The following FDFT1 variants were observed in gnomAD, a reference collection of about 807,000 sequenced individuals.
The protein encoded by FDFT1 is squalene synthase.
Under a neutral mutation model 46.8 loss-of-function variants are expected in FDFT1, and 68 were observed. The observed-to-expected ratio is 1.45, with a 90% CI of 1.19 to 1.78. The LOEUF (loss-of-function observed/expected upper bound fraction) is 1.78. Ranked by LOEUF, FDFT1 falls within the 40% of genes most tolerant of loss-of-function variation. The probability of loss-of-function intolerance (pLI) is 0.00; values close to 1 mark genes in which losing one functional copy is unlikely to be tolerated. For synonymous variants in FDFT1, 351 were observed against 185.1 expected (o/e 1.90, Z -7.28); for missense variants, 928 against 524.4 (o/e 1.77, Z -7.52).
chr8:11,821,628 A>T lies in FDFT1; in HGVS notation c.382-122A>T, dbSNP rs1384716903. On this transcript the variant is annotated intron_variant, in intron 3 of 7. Transcript: ENST00000220584. Reference sequence around the variant, plus strand: ...AAAAACAAAAAAAATGTGTGACCTAAATTAGGCTTATAGATGAACCATTGC... The same window carrying T: ...AAAAACAAAAAAAATGTGTGACCTATATTAGGCTTATAGATGAACCATTGC... The T allele has an allele frequency of 2.7e-5, 32 of 1,191,674 alleles. 1 individual carries two copies. Among genetic ancestry groups the T allele is most frequent in the Non-Finnish European group, 4.8e-6 (4 of 827,390 alleles). The allele number at this position is 1,191,674 out of a possible 1,614,324, so 73.8% of individuals were successfully genotyped here. A position where few individuals can be genotyped will look rare whatever the true frequency, so the allele number is the denominator to read the frequency against.
At chr8:11,835,837 T>C (rs901901943) in intron 7 of FDFT1, among the ~76,000 whole-genome samples, 4 of 151,988 alleles carry the variant, frequency 2.6e-5, no homozygotes, top group Non-Finnish European at 4.4e-5. Flanking sequence ...TCTTAAATTT[T>C]CAAAAGTGAA....
intron 7 of FDFT1, among the ~76,000 whole-genome samples, chr8:11,838,133 C>G (rs780702388): frequency 1.7e-4 from 26 of 152,122 alleles, no homozygotes; most frequent in Non-Finnish European, 3.1e-4. Context: ...CCGCTGCTCT[C>G]GAGGGCCTCT....
chr8:11,796,477 CACAA>C (rs767876267), intron 1 of FDFT1, among the ~76,000 whole-genome samples: 9 of 152,192 alleles, frequency 5.9e-5, no homozygotes, highest in Non-Finnish European at 8.8e-5. Context: ...GCCCAATGAA[CACAA>C]ACAAATAAGG....
chr8:11,797,446 T>A (rs1805672638), upstream of FDFT1, among the ~76,000 whole-genome samples: 1 of 151,988 alleles, frequency 6.6e-6, no homozygotes, highest in South Asian at 2.1e-4. Context: ...TCCTTGGGTG[T>A]GGAACCTTAT....
intron 5 of FDFT1, among the ~76,000 whole-genome samples, chr8:11,828,430 C>T (rs954621623): frequency 6.6e-6 from 1 of 152,202 alleles, no homozygotes; most frequent in African/African-American, 2.4e-5. Flanking sequence ...AGACACAGGG[C>T]TCAGAGAAGG....
intron 7 of FDFT1, among the ~76,000 whole-genome samples, chr8:11,835,812 C>G (rs1006560176): frequency 6.6e-6 from 1 of 151,856 alleles, no homozygotes; most frequent in Non-Finnish European, 1.5e-5. Context: ...TGTACAGTTG[C>G]TCTGAGAAGG....
Position 11,808,826 on chromosome 8 carries a change from C to G in FDFT1, c.132C>G (p.Tyr44Ter), listed in dbSNP as rs763030790. The G allele has an allele frequency of 2.5e-6, 4 of 1,614,054 alleles. No homozygotes were observed. The highest frequency in any genetic ancestry group is 3.4e-6 in the Non-Finnish European group (4 of 1,180,000). The change falls in exon 2 of 8, where the codon TAC (tyrosine) becomes TAG (stop). Residue 44 changes from tyrosine to a stop codon, truncating the protein, a stop_gained. Transcript: ENST00000220584. LOFTEE classifies it high-confidence loss of function. ...TCAGCAGCAGCCTGAAAACTTGCTA[C>G]AAGTATCTCAATCAGACCAGTCGCA... ...DSLSSSLKTC[Y>*]KYLNQTSRSF...
rs757068015 is a variant in FDFT1, at chr8:11,827,332, TAAAG to T, written c.702+1122_702+1125del. ...CTGCTGAAAGAGCAAAAATAAAAAT[TAAAG>T]AAAGTAGAAAAAATAAAACTAAATT... is the stretch of plus-strand genomic sequence containing the variant. On this transcript the variant is annotated intron_variant, in intron 5 of 7. Coordinates refer to ENST00000220584, the MANE Select transcript of FDFT1 (RefSeq NM_004462.5). 1.1e-4 allele frequency among the ~76,000 whole-genome samples: 17 copies of T among 151,966 alleles called. No individual in the cohort carries two copies. The East Asian group carries it at 1.4e-3, about 12-fold the overall frequency.
chr8:11,798,546 T>C (rs762061741), upstream of FDFT1, among the ~76,000 whole-genome samples: 9 of 152,182 alleles, frequency 5.9e-5, no homozygotes, highest in South Asian at 2.1e-4. Flanking sequence ...AAGGGGTGGA[T>C]ATAAGGAGAG....
At position 11,827,871 on chromosome 8, in the gene FDFT1, C is replaced by G. The variant is rs148934360; in HGVS notation, c.702+1656C>G. ...CCTGGACAACGTAGTGAGACCTTAT[C>G]TCTTAAAACAAAACAAAACAAAACA... is the stretch of plus-strand genomic sequence containing the variant. On this transcript the variant is annotated intron_variant, in intron 5 of 7. Coordinates refer to ENST00000220584, the MANE Select transcript of FDFT1 (RefSeq NM_004462.5). 3.1e-3 allele frequency among the ~76,000 whole-genome samples: 462 copies of G among 151,170 alleles called. 2 individuals are homozygous for G. Among genetic ancestry groups the G allele is most frequent in the African/African-American group, 0.011 (437 of 40,970 alleles).
At chr8:11,808,147 TA>T in intron 1 of FDFT1, 1 of 580,034 alleles carries the variant, frequency 1.7e-6, no homozygotes. Context: ...GGATTCTTGG[TA>T]AAACTGGGCG....
chr8:11,821,011 G>A (rs1310528445), intron 3 of FDFT1, among the ~76,000 whole-genome samples: 1 of 152,194 alleles, frequency 6.6e-6, no homozygotes, highest in Non-Finnish European at 1.5e-5. Flanking sequence ...AAGCAACTCT[G>A]GGTCTGAGTT....
intron 2 of FDFT1, chr8:11,809,133 C>CT: frequency 1.5e-6 from 2 of 1,320,000 alleles, no homozygotes; most frequent in East Asian, 3.1e-5. Flanking sequence ...TGTTTATTAA[C>CT]TTTTTTTAGT....
upstream of FDFT1, chr8:11,802,007 AG>A (rs201521383): frequency 4.2e-3 from 1,927 of 456,006 alleles, 21 homozygotes; most frequent in African/African-American, 0.018. Flanking sequence ...AGTAGTTTCT[AG>A]GGCTGGAGAG....
At chr8:11,808,443 T>C (rs1807186708) in intron 1 of FDFT1, 14 of 1,271,014 alleles carry the variant, frequency 1.1e-5, no homozygotes, top group Non-Finnish European at 1.4e-5. Flanking sequence ...GGCGAGCCCG[T>C]CCCGCCCCTC....
chr8:11,797,774 G>C (rs1431461090), upstream of FDFT1, among the ~76,000 whole-genome samples: 1 of 152,198 alleles, frequency 6.6e-6, no homozygotes, highest in Non-Finnish European at 1.5e-5. Context: ...GGCGTGGCAG[G>C]TGGCTAGGCA....
At chr8:11,818,962 A>G (rs955551615) in intron 3 of FDFT1, among the ~76,000 whole-genome samples, 1 of 152,080 alleles carries the variant, frequency 6.6e-6, no homozygotes, top group Non-Finnish European at 1.5e-5. Context: ...GGTCTTTACA[A>G]TTTGGCATGT....
In FDFT1 at chr8:11,802,883, G is replaced by T. The variant is rs766672920; in HGVS notation, c.51G>T (p.Val17=). The T allele has an allele frequency of 2.3e-5, 37 of 1,612,242 alleles. No homozygotes were observed. Among genetic ancestry groups the T allele is most frequent in the Non-Finnish European group, 3.1e-5 (36 of 1,179,172 alleles). The change falls in exon 1 of 8, where the codon GTG becomes GTT. Residue 17 remains valine, a synonymous_variant. Transcript: ENST00000220584. ...ACCCCGAAGAGTTCTACAACCTGGTGCGCTTCCGGATCGGGGGCAAGCGGA... is the reference window on the plus strand; with the variant it reads ...ACCCCGAAGAGTTCTACAACCTGGTTCGCTTCCGGATCGGGGGCAAGCGGA... The part of the protein sequence containing the change: ...LGHPEEFYNL[V]RFRIGGKRKV...
At chr8:11,818,392 C>T (rs902843096) in intron 3 of FDFT1, among the ~76,000 whole-genome samples, 3 of 152,194 alleles carry the variant, frequency 2.0e-5, no homozygotes, top group South Asian at 2.1e-4. Flanking sequence ...TGGTCCAGAG[C>T]TGAGTTCAAG....
Sources: gnomAD v4.1 joint callset for allele counts (sites outside exome capture counted in the v4.1 genomes callset) on GRCh38, gnomAD v4.1.1 for gene constraint, MANE v1.5 for transcripts, NCBI Gene and HGNC (gene_info 2026-07-23, HGNC 2026-07-21) for gene names.